The following ROBO1 variants were observed in gnomAD, a reference collection of about 807,000 sequenced individuals.
ROBO1 encodes the protein roundabout homolog 1.
ROBO1 carries 149 observed loss-of-function variants against 195.9 expected under a neutral mutation model. The ratio of observed to expected loss-of-function variants is 0.76; its 90% CI spans 0.67 to 0.87. The LOEUF (loss-of-function observed/expected upper bound fraction) is 0.87. Among genes scored for constraint, ROBO1 ranks in the 40% least tolerant of loss-of-function variants. The pLI, the probability that ROBO1 is intolerant of heterozygous loss-of-function variation, is 0.00. For synonymous variants in ROBO1, 816 were observed against 733.2 expected, an observed-to-expected ratio of 1.11 and a Z score of -1.82; for missense variants, 1,933 against 2,068.3, an observed-to-expected ratio of 0.93 and a Z score of 1.27.
chr3:79,228,186 GA>G (rs1470837532), intron 2 of ROBO1, among the ~76,000 whole-genome samples: 1 of 151,888 alleles, frequency 6.6e-6, no homozygotes, highest in Non-Finnish European at 1.5e-5. Context: ...AAAAGAAGAA[GA>G]AAAAGGAGAA....
rs974834874 is a variant in ROBO1 at position 79,012,234 on chromosome 3, C to T, written c.173-73307G>A. Among the ~76,000 whole-genome samples, 5 of 152,122 alleles carry T rather than the reference C, an allele frequency of 3.3e-5. 1 individual carries two copies. Among genetic ancestry groups the T allele is most frequent in the South Asian group, 4.1e-4 (2 of 4,820 alleles). On this transcript the variant is annotated intron_variant, in intron 3 of 30. Transcript: ENST00000464233. ...ATACTGTATTATTAGGAACCAAAAC[C>T]GACTATTTCCTATATGCTGCATACA...
chr3:79,673,633 T>G (rs1177260460), intron 1 of ROBO1, among the ~76,000 whole-genome samples: 1 of 151,968 alleles, frequency 6.6e-6, no homozygotes, highest in East Asian at 1.9e-4. Context: ...TTTCTAGAAA[T>G]TATATTGGGT....
At chr3:79,390,617 A>G (rs748675168) in intron 2 of ROBO1, among the ~76,000 whole-genome samples, 1 of 152,174 alleles carries the variant, frequency 6.6e-6, no homozygotes, top group Non-Finnish European at 1.5e-5. Context: ...CCTTAGTAAG[A>G]GGCAAACAAA....
chr3:79,226,976 G>A (rs1409805984), intron 2 of ROBO1, among the ~76,000 whole-genome samples: 3 of 152,056 alleles, frequency 2.0e-5, no homozygotes, highest in Non-Finnish European at 4.4e-5. Flanking sequence ...ATCATGATCT[G>A]TTTCTCCCTT....
intron 3 of ROBO1, among the ~76,000 whole-genome samples, chr3:79,104,300 G>A (rs1039160156): frequency 1.3e-5 from 2 of 151,844 alleles, no homozygotes; most frequent in Non-Finnish European, 2.9e-5. Flanking sequence ...TGGTTAAGTT[G>A]TGAAGCTGAA....
chr3:79,438,420 T>C (rs1459114425), intron 2 of ROBO1, among the ~76,000 whole-genome samples: 1 of 151,988 alleles, frequency 6.6e-6, no homozygotes, highest in African/African-American at 2.4e-5. Context: ...GTCAAGTGTG[T>C]AATATTAAGA....
chr3:78,987,136 T>C (rs1371774568), intron 3 of ROBO1, among the ~76,000 whole-genome samples: 1 of 151,330 alleles, frequency 6.6e-6, no homozygotes, highest in African/African-American at 2.4e-5. Context: ...CTGCTTTTTT[T>C]TTTTTTTGTG....
chr3:79,503,974 G>A (rs1411647403), intron 2 of ROBO1, among the ~76,000 whole-genome samples: 1 of 152,074 alleles, frequency 6.6e-6, no homozygotes, highest in Non-Finnish European at 1.5e-5. Context: ...TTTACTCCTG[G>A]TTGACAGAAC....
At chr3:79,188,690 GTGTTT>G (rs2081486146) in intron 2 of ROBO1, among the ~76,000 whole-genome samples, 1 of 151,702 alleles carries the variant, frequency 6.6e-6, no homozygotes. Flanking sequence ...AGCTGAGCAC[GTGTTT>G]TGGCCAATGT....
At chr3:79,622,657 C>T (rs1945044746) in intron 1 of ROBO1, among the ~76,000 whole-genome samples, 1 of 152,202 alleles carries the variant, frequency 6.6e-6, no homozygotes, top group African/African-American at 2.4e-5. Context: ...TAACTCCAGC[C>T]AGAGGCTCAG....
chr3:78,895,612 T>C (rs1286582839), intron 4 of ROBO1, among the ~76,000 whole-genome samples: 2 of 152,228 alleles, frequency 1.3e-5, no homozygotes, highest in African/African-American at 2.4e-5. Flanking sequence ...GTAGTTTCTT[T>C]GAAAAGCAAC....
At chr3:78,774,884 T>A (rs2083466510) in intron 4 of ROBO1, among the ~76,000 whole-genome samples, 1 of 152,198 alleles carries the variant, frequency 6.6e-6, no homozygotes, top group Non-Finnish European at 1.5e-5. Context: ...ATTTTTCCTT[T>A]AATAGACTTC....
chr3:78,940,565 G>C (rs1249578487), intron 3 of ROBO1, among the ~76,000 whole-genome samples: 1 of 152,180 alleles, frequency 6.6e-6, no homozygotes, highest in African/African-American at 2.4e-5. Context: ...CCTGCAACAT[G>C]ATTTATGCCT....
intron 2 of ROBO1, among the ~76,000 whole-genome samples, chr3:79,550,152 GAAGA>G (rs59892652): frequency 0.35 from 31,684 of 89,860 alleles, 5,256 homozygotes; most frequent in Non-Finnish European, 0.39. Context: ...AAAAAGAAAG[GAAGA>G]AAGAAAGAAA....
At chr3:79,234,570 C>A (rs1427202716) in intron 2 of ROBO1, among the ~76,000 whole-genome samples, 1 of 152,008 alleles carries the variant, frequency 6.6e-6, no homozygotes, top group Admixed American at 6.6e-5. Flanking sequence ...TGGAGTCAAC[C>A]TAGGTGCCCA....
chr3:79,120,792 T>C (rs952811683), intron 3 of ROBO1, among the ~76,000 whole-genome samples: 1 of 152,130 alleles, frequency 6.6e-6, no homozygotes, highest in Non-Finnish European at 1.5e-5. Context: ...GTACTTACAG[T>C]GTCATACTTA....
chr3:78,985,456 G>C (rs1316084876), intron 3 of ROBO1, among the ~76,000 whole-genome samples: 1 of 152,106 alleles, frequency 6.6e-6, no homozygotes. Context: ...TTTTCAAGGA[G>C]TCAAAAGTTA....
chr3:79,611,357 A>T (rs1944651019), intron 1 of ROBO1, among the ~76,000 whole-genome samples: 1 of 152,110 alleles, frequency 6.6e-6, no homozygotes, highest in Non-Finnish European at 1.5e-5. Context: ...AACCCAGAAA[A>T]TTCAAATTAA....
At chr3:79,073,770 T>C (rs1273637672) in intron 3 of ROBO1, among the ~76,000 whole-genome samples, 2 of 151,736 alleles carry the variant, frequency 1.3e-5, no homozygotes, top group African/African-American at 4.8e-5. Context: ...TTTTAATGTT[T>C]TGCAAAGATA....
Sources: allele counts gnomAD v4.1 joint callset (sites outside exome capture counted in the v4.1 genomes callset), GRCh38; gene constraint gnomAD v4.1.1; transcripts MANE v1.5; gene names NCBI Gene and HGNC (gene_info 2026-07-23, HGNC 2026-07-21).